VAV3: variants seen among roughly 807,000 people sequenced by gnomAD.
VAV3 encodes the protein vav guanine nucleotide exchange factor 3.
A neutral mutation model predicts 131.2 loss-of-function variants in VAV3; 94 were observed. The ratio of observed to expected loss-of-function variants is 0.72; its 90% CI spans 0.61 to 0.85. The LOEUF is 0.85. Among genes scored for constraint, VAV3 ranks in the 40% least tolerant of loss-of-function variants. The pLI is 0.00. For missense variants in VAV3, 939 were observed against 1,002.7 expected, an observed-to-expected ratio of 0.94 and a Z score of 0.86; for synonymous variants, 349 against 342.0, an observed-to-expected ratio of 1.02 and a Z score of -0.22.
At chr1:107,610,843 A>G (rs552315035) in intron 21 of VAV3, among the ~76,000 whole-genome samples, 6 of 152,328 alleles carry the variant, frequency 3.9e-5, no homozygotes, top group Admixed American at 2.6e-4. Context: ...TCATGTCCAA[A>G]TATCTGATAT....
chr1:107,697,196 G>A (rs1239587685), intron 17 of VAV3, among the ~76,000 whole-genome samples: 1 of 152,160 alleles, frequency 6.6e-6, no homozygotes, highest in Admixed American at 6.5e-5. Flanking sequence ...GAATGATACA[G>A]AGATTCTTCT....
intron 2 of VAV3, among the ~76,000 whole-genome samples, chr1:107,850,443 C>T (rs139942120): frequency 0.026 from 3,996 of 152,168 alleles, 174 homozygotes; most frequent in African/African-American, 0.091. Flanking sequence ...AAGCTGGAAA[C>T]CATCATTATC....
At chr1:107,917,843 T>A (rs59857751) in intron 1 of VAV3, among the ~76,000 whole-genome samples, 1 of 152,126 alleles carries the variant, frequency 6.6e-6, no homozygotes, top group Non-Finnish European at 1.5e-5. Context: ...CAGAATACTT[T>A]GATGAGCATT....
At position 107,680,444 on chromosome 1, in the gene VAV3, G is replaced by A. The variant is rs557308684; in HGVS notation, c.1777+3044C>T. Among the ~76,000 whole-genome samples, 3 of 152,160 alleles carry A rather than the reference G, an allele frequency of 2.0e-5. No individual in the cohort carries two copies. The East Asian group carries it at 5.8e-4, about 29-fold the overall frequency. ...CAAAAAGTCCAATATTAAAGAACAT[G>A]CTCTAATATAAATTAGTTGATATAG... On this transcript the variant is annotated intron_variant, in intron 19 of 26. Transcript: ENST00000370056.
At position 107,963,131 on chromosome 1, in the gene VAV3, G is replaced by C. The variant is rs1675213398; in HGVS notation, c.204+1535C>G. Among the ~76,000 whole-genome samples, 4 of 152,132 alleles carry C rather than the reference G, an allele frequency of 2.6e-5. No homozygotes were observed. The South Asian group carries it at 8.3e-4, about 31-fold the overall frequency. On this transcript the variant is annotated intron_variant, in intron 1 of 26. Transcript: ENST00000370056. ...AAAGGTCTTCAGCTGTCCAGAAAAC[G>C]TGATTATTGAGAGCAACTGCTGAGA...
chr1:107,698,787 A>G (rs1434821420), intron 17 of VAV3, among the ~76,000 whole-genome samples: 1 of 152,136 alleles, frequency 6.6e-6, no homozygotes, highest in African/African-American at 2.4e-5. Flanking sequence ...ACTTACAATC[A>G]TGGCAGAAGG....
chr1:107,740,571 T>A (rs1035657867), intron 15 of VAV3, among the ~76,000 whole-genome samples: 1 of 152,024 alleles, frequency 6.6e-6, no homozygotes, highest in Non-Finnish European at 1.5e-5. Flanking sequence ...TAAATCATCA[T>A]GATAGCCTAA....
chr1:107,652,591 G>A (rs1177895247), intron 19 of VAV3, among the ~76,000 whole-genome samples: 1 of 151,912 alleles, frequency 6.6e-6, no homozygotes, highest in African/African-American at 2.4e-5. Context: ...ATAGTTATCT[G>A]TTTACTTGTT....
intron 15 of VAV3, among the ~76,000 whole-genome samples, chr1:107,707,278 G>A (rs1660508024): frequency 6.6e-6 from 1 of 152,168 alleles, no homozygotes. Context: ...AGGCAGTATT[G>A]AATAAAAAGC....
chr1:107,896,391 G>T (rs1004900808), intron 1 of VAV3, among the ~76,000 whole-genome samples: 1 of 151,640 alleles, frequency 6.6e-6, no homozygotes. Context: ...CAAATTAATC[G>T]CACAGCAGCC....
In VAV3 at chr1:107,642,532, G is replaced by A. The variant is rs555813959; in HGVS notation, c.1914+87C>T. Reference sequence around the variant, plus strand: ...TCAACTTGCTTTTGCTTTGCACTGTGGACTCGCCCTGAATTCCTTCTTGGG... The same window carrying A: ...TCAACTTGCTTTTGCTTTGCACTGTAGACTCGCCCTGAATTCCTTCTTGGG... On this transcript the variant is annotated intron_variant, in intron 20 of 26. Transcript: ENST00000370056. 912 of 1,488,028 alleles carry A rather than the reference G, an allele frequency of 6.1e-4. 3 individuals are homozygous for A. Among genetic ancestry groups the A allele is most frequent in the Middle Eastern group, 1.9e-3 (8 of 4,176 alleles). 92.2% of individuals were successfully genotyped at this position (1,488,028 alleles called of 1,614,324 possible).
Position 107,603,172 on chromosome 1 carries a change from A to C in VAV3, c.2016-9T>G. ...CCATTGCTCCAGCATACCTGTAAAAAACAATGACACAGAAAATTTGGATAA... is the reference window on the plus strand; with the variant it reads ...CCATTGCTCCAGCATACCTGTAAAACACAATGACACAGAAAATTTGGATAA... On this transcript the variant is annotated splice_polypyrimidine_tract_variant and intron_variant, in intron 22 of 26. Transcript: ENST00000370056. 6.2e-7 allele frequency: 1 copy of C among 1,607,572 alleles called. No homozygotes were observed.
chr1:107,606,801 TTC>T (rs1557698548), intron 22 of VAV3, among the ~76,000 whole-genome samples: 1 of 140,316 alleles, frequency 7.1e-6, no homozygotes, highest in East Asian at 2.2e-4. Flanking sequence ...CAATGGTTTC[TTC>T]TTTTTTTTTT....
chr1:107,951,626 G>C (rs1191509880), intron 1 of VAV3, among the ~76,000 whole-genome samples: 1 of 151,828 alleles, frequency 6.6e-6, no homozygotes, highest in Admixed American at 6.6e-5. Context: ...AAATGTACAA[G>C]AAAAACACAA....
At position 107,711,914 on chromosome 1, in the gene VAV3, G is replaced by A. The variant is rs143664555; in HGVS notation, c.1503-6853C>T. Among the ~76,000 whole-genome samples, 814 of 152,146 alleles carry A rather than the reference G, an allele frequency of 5.4e-3. 10 individuals carry two copies. Among genetic ancestry groups the A allele is most frequent in the African/African-American group, 0.017 (716 of 41,534 alleles). ...TTGGCCAGGCTGGTCTCAAACTCCT[G>A]ACCTCAGGTGATCTGCCCACCTCAG... On this transcript the variant is annotated intron_variant, in intron 15 of 26. Transcript: ENST00000370056.
intron 1 of VAV3, among the ~76,000 whole-genome samples, chr1:107,898,218 T>C (rs901298404): frequency 6.6e-6 from 1 of 152,178 alleles, no homozygotes; most frequent in Non-Finnish European, 1.5e-5. Flanking sequence ...TGTATACATG[T>C]AGGGAATTAC....
intron 2 of VAV3, among the ~76,000 whole-genome samples, chr1:107,847,202 T>C (rs2100941497): frequency 6.6e-6 from 1 of 152,106 alleles, no homozygotes; most frequent in South Asian, 2.1e-4. Flanking sequence ...AAGGCCAAAA[T>C]AAATAAGTTC....
intron 1 of VAV3, among the ~76,000 whole-genome samples, chr1:107,905,893 C>T (rs1672082758): frequency 1.3e-5 from 2 of 151,980 alleles, no homozygotes; most frequent in South Asian, 4.2e-4. Flanking sequence ...AATTCAAAGT[C>T]AAGCAGGACT....
In VAV3 at chr1:107,844,783, G is replaced by C. The variant is rs571181274; in HGVS notation, c.321+30118C>G. On this transcript the variant is annotated intron_variant, in intron 2 of 26. Transcript: ENST00000370056. ...CTCCTGTCTGTGGAGGGCATCCTCT[G>C]AAAGAAAGGCAGCCCCCAAAGTCAG... Among the ~76,000 whole-genome samples, 209 of 152,286 alleles carry C rather than the reference G, an allele frequency of 1.4e-3. 1 individual carries two copies. The highest frequency in any genetic ancestry group is 4.9e-3 in the African/African-American group (203 of 41,582).
Sources: gnomAD v4.1 joint callset for allele counts (sites outside exome capture counted in the v4.1 genomes callset) on GRCh38, gnomAD v4.1.1 for gene constraint, MANE v1.5 for transcripts, NCBI Gene and HGNC (gene_info 2026-07-23, HGNC 2026-07-21) for gene names.